RAD51B: variants seen among roughly 807,000 people sequenced by gnomAD.
The protein encoded by RAD51B is RAD51 paralog B, also known as DNA repair protein RAD51 homolog 2.
Under a neutral mutation model 42.2 loss-of-function variants are expected in RAD51B, and 38 were observed. The ratio of observed to expected loss-of-function variants is 0.90; its 90% CI spans 0.70 to 1.18. RAD51B has a LOEUF of 1.18. Ranked by LOEUF, RAD51B falls within the 50% of genes most tolerant of loss-of-function variation. The pLI is 0.00. For synonymous variants in RAD51B, 154 were observed against 145.2 expected (o/e 1.06, Z -0.43); for missense variants, 373 against 400.7 (o/e 0.93, Z 0.59).
intron 11 of RAD51B, among the ~76,000 whole-genome samples, chr14:68,664,255 A>C (rs887421174): frequency 6.6e-6 from 1 of 152,012 alleles, no homozygotes; most frequent in East Asian, 1.9e-4. Context: ...CCTTTCCCCT[A>C]TCTCTTTTCT....
intron 7 of RAD51B, among the ~76,000 whole-genome samples, chr14:68,185,422 C>G (rs2079138642): frequency 6.6e-6 from 1 of 152,138 alleles, no homozygotes; most frequent in African/African-American, 2.4e-5. Context: ...AAATGCATAT[C>G]TATTTGTCGC....
chr14:68,061,053 CTTT>C (rs755916680), intron 7 of RAD51B, among the ~76,000 whole-genome samples: 9,625 of 100,564 alleles, frequency 0.096, 120 homozygotes, highest in Middle Eastern at 0.22. Flanking sequence ...TATTTGAGGT[CTTT>C]TTTTTTTTTT....
Position 68,399,261 on chromosome 14 carries a change from T to G in RAD51B, c.854-12163T>G, listed in dbSNP as rs911076939. The stretch of plus-strand genomic sequence containing the variant: ...CCCTTTACCTGATTTTTTTTTGTGT[T>G]TTTTTTTTTTTTTGAGATGGAGTCT... On this transcript the variant is annotated intron_variant, in intron 8 of 10. Transcript: ENST00000471583. 1.1e-3 allele frequency among the ~76,000 whole-genome samples: 163 copies of G among 147,088 alleles called. 2 individuals carry two copies. The East Asian group carries it at 0.019, about 17-fold the overall frequency.
chr14:68,510,345 C>T (rs534317732), intron 10 of RAD51B, among the ~76,000 whole-genome samples: 1 of 152,326 alleles, frequency 6.6e-6, no homozygotes, highest in East Asian at 1.9e-4. Flanking sequence ...ACTGAGCCGG[C>T]CTCTGTCTCC....
In RAD51B at chr14:67,886,956, C is replaced by T. The variant is rs1467699244; in HGVS notation, c.573-65C>T. On this transcript the variant is annotated intron_variant, in intron 6 of 10. Coordinates refer to ENST00000471583, the MANE Select transcript of RAD51B (RefSeq NM_133510.4). ...TTGTTTTTAAGTTGCTTAGCCTTTG[C>T]AATACCTTTATTTATTTATTTTATC... is the stretch of plus-strand genomic sequence containing the variant. The T allele has an allele frequency of 4.7e-6, 5 of 1,068,120 alleles. No individual in the cohort carries two copies. In the South Asian group the frequency reaches 5.8e-5, roughly 12 times the overall value. 66.2% of individuals were successfully genotyped at this position (1,068,120 alleles called of 1,614,324 possible).
chr14:68,549,408 C>CCTTTTTTTT (rs1888400828), intron 10 of RAD51B, among the ~76,000 whole-genome samples: 1 of 71,328 alleles, frequency 1.4e-5, no homozygotes, highest in African/African-American at 3.8e-5. Flanking sequence ...GCCCTGGACA[C>CCTTTTTTTT]ATTTTTTTTT....
At chr14:67,829,776 C>G (rs958840028) in intron 3 of RAD51B, among the ~76,000 whole-genome samples, 3 of 152,108 alleles carry the variant, frequency 2.0e-5, no homozygotes, top group Admixed American at 6.5e-5. Flanking sequence ...ACAGTCCAGC[C>G]CTCTTGTAGT....
chr14:68,034,434 G>A (rs1267923267), intron 7 of RAD51B, among the ~76,000 whole-genome samples: 1 of 152,064 alleles, frequency 6.6e-6, no homozygotes, highest in African/African-American at 2.4e-5. Context: ...ACCATGCCCA[G>A]TTAATTTTGT....
intron 7 of RAD51B, among the ~76,000 whole-genome samples, chr14:67,909,387 A>G (rs976319289): frequency 5.3e-5 from 8 of 152,268 alleles, no homozygotes; most frequent in Non-Finnish European, 1.0e-4. Flanking sequence ...GGATACTGCT[A>G]GTGAACATGT....
chr14:68,206,707 T>G (rs2079594601), intron 7 of RAD51B, among the ~76,000 whole-genome samples: 1 of 152,050 alleles, frequency 6.6e-6, no homozygotes, highest in Non-Finnish European at 1.5e-5. Flanking sequence ...CCTTGATTTT[T>G]GGCATAAGTT....
chr14:68,625,922 A>T (rs1386497872), intron 10 of RAD51B, among the ~76,000 whole-genome samples: 3 of 152,112 alleles, frequency 2.0e-5, no homozygotes, highest in Admixed American at 6.5e-5. Flanking sequence ...GAGTGGCCAC[A>T]GTGTGGGTGA....
intron 10 of RAD51B, among the ~76,000 whole-genome samples, chr14:68,488,941 C>A (rs943390096): frequency 4.6e-5 from 7 of 152,090 alleles, no homozygotes; most frequent in South Asian, 2.1e-4. Flanking sequence ...TAAATTTTTT[C>A]ACTATTTTTA....
At chr14:68,529,503 A>G (rs1887142343) in intron 10 of RAD51B, among the ~76,000 whole-genome samples, 1 of 152,232 alleles carries the variant, frequency 6.6e-6, no homozygotes, top group Non-Finnish European at 1.5e-5. Context: ...ATCTGAGACT[A>G]TTTCTTATAG....
At chr14:68,387,864 A>G (rs371446765) in intron 8 of RAD51B, among the ~76,000 whole-genome samples, 4 of 152,146 alleles carry the variant, frequency 2.6e-5, no homozygotes, top group African/African-American at 9.7e-5. Flanking sequence ...AGTGTAAAAT[A>G]TGCACTGAAT....
At chr14:68,562,750 C>A in intron 10 of RAD51B, 1 of 985,300 alleles carries the variant, frequency 1.0e-6, no homozygotes, top group Non-Finnish European at 1.2e-6. Context: ...GCCCTCATCA[C>A]CAGGGCATAT....
At chr14:68,346,429 T>C (rs1233866840) in intron 8 of RAD51B, among the ~76,000 whole-genome samples, 1 of 152,232 alleles carries the variant, frequency 6.6e-6, no homozygotes, top group Non-Finnish European at 1.5e-5. Context: ...AACAACAACC[T>C]GGGAATCAAC....
chr14:68,305,050 AAAACACACCAGAAAT>A (rs1434216317), intron 8 of RAD51B, among the ~76,000 whole-genome samples: 1 of 152,270 alleles, frequency 6.6e-6, no homozygotes, highest in Non-Finnish European at 1.5e-5. Flanking sequence ...AAAGTTATAT[AAAACACACCAGAAAT>A]AGAATTTTTA....
intron 10 of RAD51B, chr14:68,469,041 A>C: frequency 4.3e-6 from 2 of 460,506 alleles, no homozygotes; most frequent in South Asian, 3.1e-5. Flanking sequence ...TTTGTGGATG[A>C]GGAAGGATCT....
chr14:68,485,401 A>G (rs747999485), intron 10 of RAD51B, among the ~76,000 whole-genome samples: 57 of 152,342 alleles, frequency 3.7e-4, no homozygotes, highest in Middle Eastern at 6.8e-3. Flanking sequence ...AAGAATATAC[A>G]GAAGATTAGG....
Sources: gnomAD v4.1 joint callset for allele counts (sites outside exome capture counted in the v4.1 genomes callset) on GRCh38, gnomAD v4.1.1 for gene constraint, MANE v1.5 for transcripts, NCBI Gene and HGNC (gene_info 2026-07-23, HGNC 2026-07-21) for gene names.